RAD51B: variants seen among roughly 807,000 people sequenced by gnomAD.
RAD51B encodes the protein DNA repair protein RAD51 homolog 2.
RAD51B carries 38 observed loss-of-function variants against 42.2 expected under a neutral mutation model. The observed-to-expected ratio is 0.90, with a 90% CI of 0.70 to 1.18. RAD51B has a LOEUF of 1.18. Ranked by LOEUF, RAD51B falls within the 50% of genes most tolerant of loss-of-function variation. RAD51B has a pLI of 0.00. For synonymous variants in RAD51B, 154 were observed against 145.2 expected (o/e 1.06, Z -0.43); for missense variants, 373 against 400.7 (o/e 0.93, Z 0.59).
chr14:67,828,984 T>G (rs112412635), intron 3 of RAD51B, among the ~76,000 whole-genome samples: 60 of 152,348 alleles, frequency 3.9e-4, no homozygotes, highest in African/African-American at 1.4e-3. Flanking sequence ...TTTGGTTTCA[T>G]ATGAATTTTA....
intron 7 of RAD51B, among the ~76,000 whole-genome samples, chr14:68,169,969 C>T (rs959666036): frequency 1.3e-5 from 2 of 152,138 alleles, no homozygotes; most frequent in Non-Finnish European, 2.9e-5. Flanking sequence ...TCTATGGACT[C>T]TTAGCTGTGG....
At chr14:68,528,675 TTTTTTTTTTTTTTTTG>T (rs1887090249) in intron 10 of RAD51B, among the ~76,000 whole-genome samples, 1 of 7,930 alleles carries the variant, frequency 1.3e-4, no homozygotes. Flanking sequence ...TTATTTACCT[TTTTTTTTTTTTTTTTG>T]AGACGGAGTC....
intron 7 of RAD51B, among the ~76,000 whole-genome samples, chr14:68,035,495 A>G (rs1449967730): frequency 6.6e-6 from 1 of 152,226 alleles, no homozygotes; most frequent in Non-Finnish European, 1.5e-5. Flanking sequence ...GGCTTTCCTC[A>G]TTACTGTTTT....
intron 7 of RAD51B, among the ~76,000 whole-genome samples, chr14:68,251,027 A>C (rs943348284): frequency 6.6e-6 from 1 of 152,284 alleles, no homozygotes; most frequent in African/African-American, 2.4e-5. Flanking sequence ...ATTAATTGGG[A>C]GGAAAATGCT....
At chr14:68,171,544 A>T (rs561747547) in intron 7 of RAD51B, among the ~76,000 whole-genome samples, 2 of 151,946 alleles carry the variant, frequency 1.3e-5, no homozygotes, top group African/African-American at 4.8e-5. Context: ...CAGGTGATCC[A>T]CCCACCTCGG....
intron 7 of RAD51B, among the ~76,000 whole-genome samples, chr14:68,028,858 G>T (rs1339996656): frequency 6.6e-6 from 1 of 152,220 alleles, no homozygotes; most frequent in Non-Finnish European, 1.5e-5. Context: ...GGGAGCCCTG[G>T]GAGATGGGTG....
intron 7 of RAD51B, among the ~76,000 whole-genome samples, chr14:68,098,059 C>T (rs998050263): frequency 6.6e-6 from 1 of 152,196 alleles, no homozygotes; most frequent in African/African-American, 2.4e-5. Context: ...TTCTCATAGA[C>T]ATTTATGTAC....
At chr14:68,376,724 CTCAGAT>C (rs2083377941) in intron 8 of RAD51B, among the ~76,000 whole-genome samples, 1 of 152,194 alleles carries the variant, frequency 6.6e-6, no homozygotes, top group Non-Finnish European at 1.5e-5. Context: ...CAGTCTTCTC[CTCAGAT>C]TGCAATCAAA....
chr14:68,257,377 AAAAGCAATGG>A (rs2139525584), intron 7 of RAD51B, among the ~76,000 whole-genome samples: 1 of 152,324 alleles, frequency 6.6e-6, no homozygotes, highest in East Asian at 1.9e-4. Context: ...CCACAATTAA[AAAAGCAATGG>A]AACAAAAAAT....
chr14:68,412,159 A>T (rs1254859537), intron 9 of RAD51B, among the ~76,000 whole-genome samples: 1 of 152,164 alleles, frequency 6.6e-6, no homozygotes, highest in East Asian at 1.9e-4. Flanking sequence ...TTCATTCTTC[A>T]TTCCAAAGAA....
chr14:67,967,174 A>G (rs537344725), intron 7 of RAD51B, among the ~76,000 whole-genome samples: 1 of 152,266 alleles, frequency 6.6e-6, no homozygotes, highest in African/African-American at 2.4e-5. Flanking sequence ...ACTACCACGA[A>G]AACAGTGTGG....
intron 7 of RAD51B, among the ~76,000 whole-genome samples, chr14:68,160,747 T>C (rs2078620658): frequency 6.6e-6 from 1 of 152,184 alleles, no homozygotes; most frequent in Admixed American, 6.5e-5. Context: ...ACTAAATCCC[T>C]TTTTCAGCCT....
Position 68,051,350 on chromosome 14 carries a change from C to T in RAD51B, c.756+164146C>T, listed in dbSNP as rs185368298. 8.6e-4 allele frequency among the ~76,000 whole-genome samples: 131 copies of T among 151,812 alleles called. 4 individuals carry two copies. In the South Asian group the frequency reaches 0.019, roughly 22 times the overall value. On this transcript the variant is annotated intron_variant, in intron 7 of 10. Transcript: ENST00000471583. ...CAGAGTATTTCAACATCGGAATGTA[C>T]TCTCATTTATTTTACTAGTCTACTT...
intron 10 of RAD51B, among the ~76,000 whole-genome samples, chr14:68,604,646 A>G (rs1891369842): frequency 6.6e-6 from 1 of 152,196 alleles, no homozygotes; most frequent in Non-Finnish European, 1.5e-5. Context: ...CATGGTCCCC[A>G]GGGCTGCCCT....
At chr14:68,267,532 G>A (rs902632939) in intron 7 of RAD51B, among the ~76,000 whole-genome samples, 14 of 152,008 alleles carry the variant, frequency 9.2e-5, no homozygotes, top group African/African-American at 2.2e-4. Context: ...TGGTTATTTG[G>A]CAAACACTAA....
At chr14:68,208,803 A>AT (rs1000454463) in intron 7 of RAD51B, among the ~76,000 whole-genome samples, 31 of 152,176 alleles carry the variant, frequency 2.0e-4, no homozygotes, top group African/African-American at 7.5e-4. Flanking sequence ...AGTAAAACTC[A>AT]TTGGGGTTAT....
intron 8 of RAD51B, among the ~76,000 whole-genome samples, chr14:68,305,270 C>T (rs903138862): frequency 6.6e-5 from 10 of 152,280 alleles, no homozygotes; most frequent in Admixed American, 4.6e-4. Flanking sequence ...TTCATTTACA[C>T]GTTAAGTATG....
intron 10 of RAD51B, among the ~76,000 whole-genome samples, chr14:68,570,173 C>A (rs1441825184): frequency 6.6e-6 from 1 of 152,098 alleles, no homozygotes; most frequent in Non-Finnish European, 1.5e-5. Context: ...GTCCCCATAC[C>A]CAGGTCCCTC....
intron 9 of RAD51B, among the ~76,000 whole-genome samples, chr14:68,415,501 C>T (rs2084533138): frequency 6.6e-6 from 1 of 152,178 alleles, no homozygotes; most frequent in Non-Finnish European, 1.5e-5. Context: ...ATGGTTGATA[C>T]CCTCTGGTTG....
Sources: allele counts gnomAD v4.1 joint callset (sites outside exome capture counted in the v4.1 genomes callset), GRCh38; gene constraint gnomAD v4.1.1; transcripts MANE v1.5; gene names NCBI Gene and HGNC (gene_info 2026-07-23, HGNC 2026-07-21).